Variants in PLXNA4 observed in about 807,000 individuals in gnomAD.
PLXNA4 encodes plexin A4, also known as plexin-A4.
Under a neutral mutation model 191.8 loss-of-function variants are expected in PLXNA4, and 44 were observed. The observed-to-expected ratio is 0.23, with a 90% CI of 0.18 to 0.29. The LOEUF is 0.29. PLXNA4 is among the 10% of genes least tolerant of loss of function. The pLI is 1.00. For synonymous variants in PLXNA4, 1,082 were observed against 1,009.5 expected (o/e 1.07, Z -1.36); for missense variants, 1,800 against 2,488.8 (o/e 0.72, Z 5.89).
Position 132,145,213 on chromosome 7 carries a change from G to A in PLXNA4, c.5131C>T (p.Leu1711=), listed in dbSNP as rs762297961. 1.9e-6 allele frequency: 3 copies of A among 1,614,136 alleles called. No homozygotes were observed. In the African/African-American group the frequency reaches 4.0e-5, roughly 22 times the overall value. The part of the protein sequence containing the change: ...STAHRGSALP[L]AIKYMFDFLD... ...AAGTCAAACATGTACTTGATGGCCA[G>A]GGGCAGGGCAGAGCCACGGTGTGCC... Residue 1711 remains leucine, a synonymous_variant, in exon 29 of 32, where the codon CTG becomes TTG. Coordinates refer to ENST00000321063, the MANE Select transcript of PLXNA4 (RefSeq NM_020911.2).
At chr7:132,408,445 AC>A (rs971920239) in intron 3 of PLXNA4, among the ~76,000 whole-genome samples, 22 of 128,232 alleles carry the variant, frequency 1.7e-4, no homozygotes, top group African/African-American at 9.0e-4. Context: ...GAACACAAAA[AC>A]ACTTTATTTA....
intron 3 of PLXNA4, among the ~76,000 whole-genome samples, chr7:132,428,705 C>T (rs376642333): frequency 1.3e-5 from 2 of 152,104 alleles, no homozygotes; most frequent in Non-Finnish European, 2.9e-5. Context: ...CTCCATCAGA[C>T]GGCCAAGCTC....
chr7:132,179,193 G>T (rs1002822570), intron 20 of PLXNA4, among the ~76,000 whole-genome samples: 8 of 139,382 alleles, frequency 5.7e-5, no homozygotes, highest in Non-Finnish European at 9.1e-5. Flanking sequence ...CAGCTGCCTG[G>T]CCTGCTTGCT....
intron 3 of PLXNA4, among the ~76,000 whole-genome samples, chr7:132,454,027 T>C (rs1796225160): frequency 6.6e-6 from 1 of 152,304 alleles, no homozygotes; most frequent in South Asian, 2.1e-4. Context: ...TTGTCCCTGC[T>C]CTCTGGTGTG....
intron 14 of PLXNA4, among the ~76,000 whole-genome samples, chr7:132,191,847 C>T (rs1420887722): frequency 1.3e-5 from 2 of 150,918 alleles, no homozygotes. Context: ...CACACACACA[C>T]ACACATATAT....
chr7:132,603,344 A>T (rs1802857021), intron 2 of PLXNA4, among the ~76,000 whole-genome samples: 1 of 152,146 alleles, frequency 6.6e-6, no homozygotes, highest in South Asian at 2.1e-4. Flanking sequence ...TTGGTTTATA[A>T]GGTCACCAGA....
At chr7:132,618,720 C>G (rs1333336950) in intron 2 of PLXNA4, among the ~76,000 whole-genome samples, 1 of 152,218 alleles carries the variant, frequency 6.6e-6, no homozygotes, top group African/African-American at 2.4e-5. Flanking sequence ...AGAATCATGA[C>G]ATTCTCTGTT....
intron 4 of PLXNA4, among the ~76,000 whole-genome samples, chr7:132,269,945 G>A (rs1800001402): frequency 6.6e-6 from 1 of 151,978 alleles, no homozygotes; most frequent in African/African-American, 2.4e-5. Context: ...ACTTTTAATG[G>A]GAAATCACAA....
At position 132,148,621 on chromosome 7, in the gene PLXNA4, C is replaced by T; in HGVS notation, c.4686G>A (p.Arg1562=). ...DLEWRQGSGA[R]MILQDEDITT... ...TGATGTCTTCATCCTGCAAGATCATCCTTGCCCCACTTCCTTGTCGCCACT... is the reference window on the plus strand; with the variant it reads ...TGATGTCTTCATCCTGCAAGATCATTCTTGCCCCACTTCCTTGTCGCCACT... Residue 1562 remains arginine, a synonymous_variant, in exon 26 of 32, where the codon AGG becomes AGA. Transcript: ENST00000321063. The T allele has an allele frequency of 6.2e-7, 1 of 1,614,190 alleles. No homozygotes were observed. Among genetic ancestry groups the T allele is most frequent in the East Asian group, 2.2e-5 (1 of 44,886 alleles).
intron 2 of PLXNA4, among the ~76,000 whole-genome samples, chr7:132,635,201 T>TATATATATATATATATATATATATATAC (rs1202922683): frequency 2.3e-5 from 3 of 130,940 alleles, no homozygotes; most frequent in African/African-American, 8.6e-5. Flanking sequence ...TATATATATA[T>TATATATATATATATATATATATATATAC]ACGTATCCTA....
At position 132,337,359 on chromosome 7, in the gene PLXNA4, A is replaced by G. The variant is rs769769017; in HGVS notation, c.1372-39137T>C. ...ACATGTCCCCTGGCTGTGGAAGCAC[A>G]TCAAATTGTGCACATGAATACTCAG... On this transcript the variant is annotated intron_variant, in intron 3 of 31. Coordinates refer to ENST00000321063, the MANE Select transcript of PLXNA4 (RefSeq NM_020911.2). Among the ~76,000 whole-genome samples, 49 of 152,386 alleles carry G rather than the reference A, an allele frequency of 3.2e-4. 1 individual carries two copies. Among genetic ancestry groups the G allele is most frequent in the Non-Finnish European group, 5.9e-4 (40 of 68,042 alleles).
intron 4 of PLXNA4, among the ~76,000 whole-genome samples, chr7:132,286,375 G>A (rs1159007618): frequency 6.6e-6 from 1 of 152,208 alleles, no homozygotes; most frequent in African/African-American, 2.4e-5. Flanking sequence ...ATTATAGGTG[G>A]TTGTCTTTAA....
intron 3 of PLXNA4, among the ~76,000 whole-genome samples, chr7:132,327,919 T>A (rs1190434857): frequency 2.0e-5 from 3 of 152,086 alleles, no homozygotes; most frequent in African/African-American, 2.4e-5. Flanking sequence ...TTCCCACTGG[T>A]CCCTGAGAAC....
intron 3 of PLXNA4, among the ~76,000 whole-genome samples, chr7:132,328,139 G>A (rs1352167902): frequency 1.3e-5 from 2 of 152,134 alleles, no homozygotes; most frequent in Non-Finnish European, 1.5e-5. Flanking sequence ...GAGTTTCCAC[G>A]TTAAGTGAAG....
chr7:132,175,668 T>C (rs928438640), intron 20 of PLXNA4, among the ~76,000 whole-genome samples: 6 of 152,302 alleles, frequency 3.9e-5, no homozygotes, highest in Non-Finnish European at 7.3e-5. Flanking sequence ...CTCAGGCTGT[T>C]ACATAGCACC....
In PLXNA4 at chr7:132,127,220, G is replaced by A. The variant is rs1383777455; in HGVS notation, c.*3259C>T. On this transcript the variant is annotated 3_prime_UTR_variant, in exon 32 of 32. Coordinates refer to ENST00000321063, the MANE Select transcript of PLXNA4 (RefSeq NM_020911.2). Reference sequence around the variant, plus strand: ...CTCAGTCTGGTACCATTTTCCCTGGGAGGGTACGGGATAAGTTGGAGGGGA... The same window carrying A: ...CTCAGTCTGGTACCATTTTCCCTGGAAGGGTACGGGATAAGTTGGAGGGGA... The A allele has an allele frequency of 6.6e-6, 1 of 152,228 alleles. No homozygotes were observed. Among genetic ancestry groups the A allele is most frequent in the Non-Finnish European group, 1.5e-5 (1 of 68,054 alleles). 9.4% of individuals were successfully genotyped at this position (152,228 alleles called of 1,614,324 possible).
At chr7:132,481,409 C>T (rs778918318) in intron 3 of PLXNA4, among the ~76,000 whole-genome samples, 3 of 151,964 alleles carry the variant, frequency 2.0e-5, no homozygotes, top group Admixed American at 2.0e-4. Flanking sequence ...TGATATTACT[C>T]GATACGGGTC....
chr7:132,567,592 G>A (rs1801792539), intron 1 of PLXNA4, among the ~76,000 whole-genome samples: 1 of 152,024 alleles, frequency 6.6e-6, no homozygotes. Flanking sequence ...TATTTTTAAG[G>A]TCATTCTTCT....
intron 2 of PLXNA4, among the ~76,000 whole-genome samples, chr7:132,617,250 G>A (rs1803174095): frequency 6.6e-6 from 1 of 152,162 alleles, no homozygotes; most frequent in African/African-American, 2.4e-5. Flanking sequence ...GTGACAGGGA[G>A]CCACAGTGCC....
Sources: gnomAD v4.1 joint callset for allele counts (sites outside exome capture counted in the v4.1 genomes callset) on GRCh38, gnomAD v4.1.1 for gene constraint, MANE v1.5 for transcripts, NCBI Gene and HGNC (gene_info 2026-07-23, HGNC 2026-07-21) for gene names.